Variants in DLG2 observed in about 807,000 individuals in gnomAD.
The protein encoded by DLG2 is disks large homolog 2.
In DLG2, 45 loss-of-function variants were observed where a neutral mutation model predicts 132.5. That is an observed-to-expected ratio of 0.34 (90% CI 0.27 to 0.44). The LOEUF (loss-of-function observed/expected upper bound fraction) is 0.44. DLG2 is among the 20% of genes least tolerant of loss of function. The pLI, the probability that DLG2 is intolerant of heterozygous loss-of-function variation, is 1.00. For missense variants in DLG2, 1,045 were observed against 1,196.9 expected (o/e 0.87, Z 1.87); for synonymous variants, 424 against 419.6 (o/e 1.01, Z -0.13).
At chr11:85,231,381 G>A (rs1449803318) in intron 4 of DLG2, among the ~76,000 whole-genome samples, 1 of 151,966 alleles carries the variant, frequency 6.6e-6, no homozygotes, top group African/African-American at 2.4e-5. Context: ...GTACTTTTAA[G>A]ATCTAGAATA....
chr11:84,527,169 AT>A (rs2099323799), intron 7 of DLG2, among the ~76,000 whole-genome samples: 1 of 152,198 alleles, frequency 6.6e-6, no homozygotes, highest in Non-Finnish European at 1.5e-5. Context: ...AATAAGGCAT[AT>A]TTTAAAATGA....
At chr11:84,960,570 G>A (rs1049161296) in intron 6 of DLG2, among the ~76,000 whole-genome samples, 1 of 151,782 alleles carries the variant, frequency 6.6e-6, no homozygotes, top group Non-Finnish European at 1.5e-5. Context: ...CGAGTAGCTG[G>A]GACTACAGGC....
chr11:84,096,928 T>G (rs187041026), intron 10 of DLG2, among the ~76,000 whole-genome samples: 1 of 151,802 alleles, frequency 6.6e-6, no homozygotes, highest in African/African-American at 2.4e-5. Flanking sequence ...ATTCTCTTCA[T>G]CAAGCTGTAA....
intron 18 of DLG2, among the ~76,000 whole-genome samples, chr11:83,736,991 C>A (rs1016869234): frequency 6.6e-6 from 1 of 152,168 alleles, no homozygotes. Flanking sequence ...ATTCCAACTA[C>A]AAGTATCATT....
chr11:84,309,100 A>G (rs888246001), intron 7 of DLG2, among the ~76,000 whole-genome samples: 1 of 152,186 alleles, frequency 6.6e-6, no homozygotes, highest in African/African-American at 2.4e-5. Flanking sequence ...GTCACCTCTC[A>G]TTACTACCAG....
intron 15 of DLG2, among the ~76,000 whole-genome samples, chr11:83,922,317 G>T (rs1387342354): frequency 6.6e-6 from 1 of 152,014 alleles, no homozygotes; most frequent in Admixed American, 6.6e-5. Flanking sequence ...AGCAAGAGTG[G>T]CCTCTGTCAC....
intron 14 of DLG2, among the ~76,000 whole-genome samples, chr11:83,939,332 G>C (rs2082158180): frequency 6.6e-6 from 1 of 152,072 alleles, no homozygotes; most frequent in South Asian, 2.1e-4. Flanking sequence ...TGTTTAAGCT[G>C]GGTATCCCAC....
At chr11:83,924,815 G>C (rs1034399205) in intron 15 of DLG2, among the ~76,000 whole-genome samples, 10 of 152,110 alleles carry the variant, frequency 6.6e-5, no homozygotes, top group Non-Finnish European at 4.4e-5. Flanking sequence ...TTTCTACAAA[G>C]GTGGTAAATT....
intron 17 of DLG2, among the ~76,000 whole-genome samples, chr11:83,829,845 C>A (rs1354477032): frequency 6.6e-6 from 1 of 152,056 alleles, no homozygotes. Context: ...GTGCTGCACC[C>A]TTTAACTCGT....
chr11:85,268,676 A>T (rs2077357098), intron 4 of DLG2, among the ~76,000 whole-genome samples: 1 of 152,174 alleles, frequency 6.6e-6, no homozygotes, highest in African/African-American at 2.4e-5. Context: ...TCCCATTCCA[A>T]TGACTTTATG....
At chr11:83,915,595 CAAATT>C (rs2076793948) in intron 15 of DLG2, among the ~76,000 whole-genome samples, 3 of 152,100 alleles carry the variant, frequency 2.0e-5, no homozygotes, top group East Asian at 1.9e-4. Context: ...CTTTCATAGA[CAAATT>C]AAAACTTTTT....
At chr11:84,824,101 T>C (rs1224610264) in intron 6 of DLG2, among the ~76,000 whole-genome samples, 2 of 151,898 alleles carry the variant, frequency 1.3e-5, no homozygotes, top group Non-Finnish European at 2.9e-5. Context: ...TCTTGTTGTA[T>C]GTCCCTCTCA....
At chr11:83,835,665 G>T (rs1045849945) in intron 16 of DLG2, among the ~76,000 whole-genome samples, 1 of 152,164 alleles carries the variant, frequency 6.6e-6, no homozygotes, top group African/African-American at 2.4e-5. Flanking sequence ...CACAAATCTA[G>T]CAGGTTAAAA....
chr11:85,031,015 G>A (rs546275215), intron 6 of DLG2, among the ~76,000 whole-genome samples: 58 of 151,746 alleles, frequency 3.8e-4, no homozygotes, highest in Non-Finnish European at 4.6e-4. Context: ...TGAGTATATC[G>A]CATAAGTTTC....
chr11:83,790,212 C>A, intron 17 of DLG2: 1 of 888,334 alleles, frequency 1.1e-6, no homozygotes, highest in South Asian at 1.5e-5. Flanking sequence ...TCAATTAGAT[C>A]AACTATGGAT....
intron 7 of DLG2, among the ~76,000 whole-genome samples, chr11:84,306,682 T>C (rs1276045492): frequency 1.3e-5 from 2 of 152,156 alleles, no homozygotes; most frequent in Non-Finnish European, 2.9e-5. Flanking sequence ...GGGCAATTAT[T>C]TGTGGGGCAA....
At chr11:85,548,164 G>A (rs1194956484) in intron 3 of DLG2, among the ~76,000 whole-genome samples, 1 of 152,054 alleles carries the variant, frequency 6.6e-6, no homozygotes, top group East Asian at 1.9e-4. Context: ...CTTTGGCTGG[G>A]GTCTCTGAGT....
At chr11:84,962,785 G>A (rs1057427708) in intron 6 of DLG2, among the ~76,000 whole-genome samples, 2 of 152,230 alleles carry the variant, frequency 1.3e-5, no homozygotes, top group African/African-American at 4.8e-5. Flanking sequence ...TTGAAAGAAT[G>A]TGGGAAAGCT....
At chr11:85,467,990 C>T (rs1178841808) in intron 3 of DLG2, among the ~76,000 whole-genome samples, 4 of 152,082 alleles carry the variant, frequency 2.6e-5, no homozygotes, top group Non-Finnish European at 5.9e-5. Flanking sequence ...ATTTCACAGC[C>T]TGTTATTGGT....
Sources: gnomAD v4.1 joint callset for allele counts (sites outside exome capture counted in the v4.1 genomes callset) on GRCh38, gnomAD v4.1.1 for gene constraint, MANE v1.5 for transcripts, NCBI Gene and HGNC (gene_info 2026-07-23, HGNC 2026-07-21) for gene names.